Variants in TTLL7 observed in about 807,000 individuals in gnomAD.
TTLL7 encodes the protein tubulin tyrosine ligase like 7.
A neutral mutation model predicts 120.2 loss-of-function variants in TTLL7; 53 were observed. The ratio of observed to expected loss-of-function variants is 0.44; its 90% CI spans 0.35 to 0.55. The LOEUF (loss-of-function observed/expected upper bound fraction) is 0.55, where lower values mean the gene tolerates loss of function less well. Among genes scored for constraint, TTLL7 ranks in the 20% least tolerant of loss-of-function variants. The pLI is 0.00. For synonymous variants in TTLL7, 353 were observed against 351.7 expected (o/e 1.00, Z -0.04); for missense variants, 803 against 1,054.7 (o/e 0.76, Z 3.31).
intron 4 of TTLL7, chr1:83,949,532 G>C: frequency 4.3e-6 from 1 of 231,414 alleles, no homozygotes; most frequent in Non-Finnish European, 8.3e-6. Flanking sequence ...TCACTATGTT[G>C]GCCAGGGAAG....
chr1:83,939,399 T>C (rs1009946658), intron 7 of TTLL7, among the ~76,000 whole-genome samples: 1 of 152,176 alleles, frequency 6.6e-6, no homozygotes, highest in African/African-American at 2.4e-5. Flanking sequence ...AAAACACTAG[T>C]ATTCTAGTGA....
At chr1:83,916,020 G>A (rs1571173258) in intron 14 of TTLL7, among the ~76,000 whole-genome samples, 1 of 152,148 alleles carries the variant, frequency 6.6e-6, no homozygotes, top group East Asian at 1.9e-4. Flanking sequence ...TGGAGAAATA[G>A]GAACACTTTT....
chr1:83,903,838 T>C (rs896421457), intron 18 of TTLL7, among the ~76,000 whole-genome samples: 1 of 152,092 alleles, frequency 6.6e-6, no homozygotes, highest in African/African-American at 2.4e-5. Flanking sequence ...TATGCATTTA[T>C]TTATTATCAG....
chr1:83,987,809 T>C (rs367633445), intron 1 of TTLL7, among the ~76,000 whole-genome samples: 1 of 152,338 alleles, frequency 6.6e-6, no homozygotes, highest in East Asian at 1.9e-4. Flanking sequence ...AAGGAGTTGA[T>C]ACCTAGAATA....
intron 19 of TTLL7, among the ~76,000 whole-genome samples, chr1:83,886,687 G>T (rs952640880): frequency 1.3e-5 from 2 of 151,968 alleles, no homozygotes; most frequent in African/African-American, 4.8e-5. Context: ...CTTCTTTAGG[G>T]TTTACATATT....
chr1:83,993,163 A>G (rs1327904453), intron 1 of TTLL7, among the ~76,000 whole-genome samples: 1 of 152,210 alleles, frequency 6.6e-6, no homozygotes, highest in East Asian at 1.9e-4. Context: ...ATAAAGTTTA[A>G]GTGGAGTCAT....
chr1:83,917,680 A>G lies in TTLL7; in HGVS notation c.1511T>C (p.Ile504Thr), dbSNP rs140584102. Reference sequence around the variant, plus strand: ...TTCACATTGCTCCAGAAGATCCAAAATATCTTCTTCCTTCAAAAAATATTC... The same window carrying G: ...TTCACATTGCTCCAGAAGATCCAAAGTATCTTCTTCCTTCAAAAAATATTC... Reference protein sequence around the residue: ...NPLKRMKEEDILDLLEQCEID... With the variant: ...NPLKRMKEEDTLDLLEQCEID... The change falls in exon 14 of 21, where the codon ATT becomes ACT. Residue 504 changes from isoleucine to threonine, a missense_variant. Ile to Thr is a moderately conservative substitution (Grantham distance 89, BLOSUM62 -1). Coordinates refer to ENST00000260505, the MANE Select transcript of TTLL7 (RefSeq NM_024686.6). 2.5e-6 allele frequency: 4 copies of G among 1,608,930 alleles called. No individual in the cohort carries two copies. Among genetic ancestry groups the G allele is most frequent in the Non-Finnish European group, 3.4e-6 (4 of 1,175,662 alleles).
intron 20 of TTLL7, among the ~76,000 whole-genome samples, chr1:83,878,850 C>T (rs1272964414): frequency 6.6e-6 from 1 of 151,926 alleles, no homozygotes; most frequent in African/African-American, 2.4e-5. Flanking sequence ...TTGAAGGCCA[C>T]TCTCTTCCAT....
At chr1:83,990,225 G>GA (rs1381776331) in intron 1 of TTLL7, among the ~76,000 whole-genome samples, 4 of 150,200 alleles carry the variant, frequency 2.7e-5, no homozygotes, top group Non-Finnish European at 5.9e-5. Context: ...CCGGACTGCG[G>GA]ACTGCAGTGG....
intron 1 of TTLL7, among the ~76,000 whole-genome samples, chr1:83,987,813 T>C (rs1652615171): frequency 1.3e-5 from 2 of 152,216 alleles, no homozygotes; most frequent in African/African-American, 4.8e-5. Context: ...AGTTGATACC[T>C]AGAATATATA....
At chr1:83,938,818 T>A (rs1295287926) in intron 7 of TTLL7, among the ~76,000 whole-genome samples, 1 of 152,170 alleles carries the variant, frequency 6.6e-6, no homozygotes, top group Non-Finnish European at 1.5e-5. Context: ...CCTACCCTCC[T>A]CATGATCCTA....
At chr1:83,890,685 GA>G (rs565329587) in intron 18 of TTLL7, among the ~76,000 whole-genome samples, 281 of 147,362 alleles carry the variant, frequency 1.9e-3, no homozygotes, top group Non-Finnish European at 3.5e-3. Context: ...AAGATGTGAA[GA>G]CTGCTTGAGC....
intron 1 of TTLL7, among the ~76,000 whole-genome samples, chr1:83,998,261 A>G (rs1243953918): frequency 6.6e-6 from 1 of 152,210 alleles, no homozygotes; most frequent in Non-Finnish European, 1.5e-5. Context: ...TACGATATAT[A>G]AAAGTAAGTG....
At chr1:83,903,010 C>T (rs1351562805) in intron 18 of TTLL7, among the ~76,000 whole-genome samples, 2 of 151,886 alleles carry the variant, frequency 1.3e-5, no homozygotes, top group East Asian at 3.9e-4. Flanking sequence ...TGCCAAATTC[C>T]CACTCCCCCG....
intron 1 of TTLL7, among the ~76,000 whole-genome samples, chr1:83,964,959 C>G (rs958766456): frequency 6.6e-6 from 1 of 151,924 alleles, no homozygotes; most frequent in South Asian, 2.1e-4. Context: ...GCAAGTCTTA[C>G]TAGAAAAAAA....
chr1:83,888,762 G>T (rs1289065023), intron 19 of TTLL7, among the ~76,000 whole-genome samples: 1 of 151,768 alleles, frequency 6.6e-6, no homozygotes, highest in African/African-American at 2.4e-5. Context: ...AAGGAAGACT[G>T]GGGAAATAAG....
intron 19 of TTLL7, among the ~76,000 whole-genome samples, chr1:83,886,318 C>T (rs1654970910): frequency 6.6e-6 from 1 of 151,984 alleles, no homozygotes; most frequent in African/African-American, 2.4e-5. Flanking sequence ...CTAGAATTGG[C>T]CCAGGGGTTT....
At chr1:83,921,436 A>C (rs1658656726) in intron 10 of TTLL7, 42 bp from the exon 11 acceptor site, 2 of 1,597,714 alleles carry the variant, frequency 1.3e-6, no homozygotes, top group East Asian at 4.5e-5. Flanking sequence ...AACTCGAACA[A>C]GTTCTGATCT....
chr1:83,952,204 GATGGCATT>G lies in TTLL7; in HGVS notation c.-1_7del. On this transcript the variant is annotated start_lost and 5_prime_UTR_variant, in exon 2 of 21. Transcript: ENST00000260505. ...TTCCCTACCTCCTTCTTGAGGCAGA[GATGGCATT>G]ATTGCCTGTGCTGATTAGCAAGCAG... 1 of 1,613,998 alleles carries G rather than the reference GATGGCATT, an allele frequency of 6.2e-7. No homozygotes were observed. The highest frequency in any genetic ancestry group is 8.5e-7 in the Non-Finnish European group (1 of 1,179,924).
Sources: allele counts gnomAD v4.1 joint callset (sites outside exome capture counted in the v4.1 genomes callset), GRCh38; gene constraint gnomAD v4.1.1; transcripts MANE v1.5; gene names NCBI Gene and HGNC (gene_info 2026-07-23, HGNC 2026-07-21).